Variants in PIK3C2A observed in about 807,000 individuals in gnomAD.
The protein encoded by PIK3C2A is phosphatidylinositol-4-phosphate 3-kinase catalytic subunit type 2 alpha.
PIK3C2A carries 97 observed loss-of-function variants against 204.5 expected under a neutral mutation model. The observed-to-expected ratio is 0.47, with a 90% CI of 0.40 to 0.56. PIK3C2A has a LOEUF of 0.56. Ranked by LOEUF, PIK3C2A falls within the 20% of genes least tolerant of loss-of-function variation. The probability of loss-of-function intolerance (pLI) is 0.00; values close to 1 mark genes in which losing one functional copy is unlikely to be tolerated. For synonymous variants in PIK3C2A, 653 were observed against 664.4 expected, an observed-to-expected ratio of 0.98 and a Z score of 0.26; for missense variants, 1,735 against 1,969.2, an observed-to-expected ratio of 0.88 and a Z score of 2.25.
chr11:17,168,295 T>C (rs1018517967), intron 2 of PIK3C2A, among the ~76,000 whole-genome samples: 1 of 152,166 alleles, frequency 6.6e-6, no homozygotes, highest in East Asian at 1.9e-4. Flanking sequence ...TCTTAACAAA[T>C]TATGGGCTGG....
intron 8 of PIK3C2A, among the ~76,000 whole-genome samples, chr11:17,142,798 T>C (rs947513567): frequency 6.6e-6 from 1 of 152,108 alleles, no homozygotes; most frequent in Non-Finnish European, 1.5e-5. Flanking sequence ...CTTGATGACC[T>C]TAATAAGTAC....
rs1173555736 is a variant in PIK3C2A at position 17,136,478 on chromosome 11, T to C, written c.1848+4A>G. The C allele has an allele frequency of 6.2e-7, 1 of 1,603,408 alleles. No individual in the cohort carries two copies. Among genetic ancestry groups the C allele is most frequent in the East Asian group, 2.2e-5 (1 of 44,786 alleles). On this transcript the variant is annotated splice_donor_region_variant and intron_variant, in intron 9 of 32. Transcript: ENST00000691414. ...ATAAAATCCTAGTTACCAAAAATAC[T>C]CACATCAGCAGTTTTACTCCTTGGA...
intron 19 of PIK3C2A, among the ~76,000 whole-genome samples, chr11:17,115,051 T>C (rs1849134222): frequency 1.3e-5 from 2 of 152,162 alleles, no homozygotes; most frequent in South Asian, 4.1e-4. Flanking sequence ...GTATGTAATA[T>C]TTCCCCAAAT....
At chr11:17,128,488 C>A (rs2137369189) in intron 13 of PIK3C2A, among the ~76,000 whole-genome samples, 1 of 152,186 alleles carries the variant, frequency 6.6e-6, no homozygotes, top group African/African-American at 2.4e-5. Flanking sequence ...ATCTGCCTAC[C>A]TTGGACTACC....
intron 1 of PIK3C2A, among the ~76,000 whole-genome samples, chr11:17,201,071 T>TG (rs1236316561): frequency 2.0e-5 from 3 of 151,834 alleles, no homozygotes; most frequent in African/African-American, 7.3e-5. Context: ...CCAGATGTGG[T>TG]GGCAGACGCC....
intron 2 of PIK3C2A, among the ~76,000 whole-genome samples, chr11:17,163,576 C>T (rs1253237953): frequency 2.6e-5 from 4 of 151,808 alleles, no homozygotes; most frequent in Admixed American, 2.6e-4. Flanking sequence ...CATCACCACA[C>T]ACAGCTATTT....
chr11:17,116,041 A>ACTTCAT (rs1849178058), intron 19 of PIK3C2A, among the ~76,000 whole-genome samples: 1 of 152,164 alleles, frequency 6.6e-6, no homozygotes, highest in South Asian at 2.1e-4. Flanking sequence ...AAATAGATAA[A>ACTTCAT]CTGGACTTCA....
In PIK3C2A at chr11:17,094,459, C is replaced by A. The variant is rs559034969; in HGVS notation, c.4327-74G>T. On this transcript the variant is annotated intron_variant, in intron 27 of 32. Coordinates refer to ENST00000691414, the MANE Select transcript of PIK3C2A (RefSeq NM_002645.4). ...TCTTTCCAGGCCGGGTGCAGTGGCTCATGCCTGTAATCCCAGCACTTTGGG... is the reference window on the plus strand; with the variant it reads ...TCTTTCCAGGCCGGGTGCAGTGGCTAATGCCTGTAATCCCAGCACTTTGGG... 1.1e-5 allele frequency: 14 copies of A among 1,243,490 alleles called. No homozygotes were observed. In the African/African-American group the frequency reaches 1.8e-4, roughly 16 times the overall value. The allele number at this position is 1,243,490 out of a possible 1,614,324, so 77.0% of individuals were successfully genotyped here. A position where few individuals can be genotyped will look rare whatever the true frequency, so the allele number is the denominator to read the frequency against.
At chr11:17,138,399 T>A in intron 8 of PIK3C2A, 1 of 371,896 alleles carries the variant, frequency 2.7e-6, no homozygotes, top group South Asian at 3.5e-5. Context: ...ACCCTCATGC[T>A]ATGTTCTCCT....
intron 11 of PIK3C2A, among the ~76,000 whole-genome samples, chr11:17,132,281 G>C (rs192034717): frequency 6.6e-6 from 1 of 150,684 alleles, no homozygotes; most frequent in East Asian, 1.9e-4. Context: ...TTTAAAGCAT[G>C]GTCATAATAA....
chr11:17,110,614 G>A (rs1449490575), intron 21 of PIK3C2A, 53 bp from the exon 22 acceptor site: 3 of 1,516,424 alleles, frequency 2.0e-6, no homozygotes, highest in Non-Finnish European at 2.7e-6. Context: ...AGACTTAACA[G>A]ATTACATACT....
rs533586921 is a variant in PIK3C2A at position 17,136,448 on chromosome 11, A to G, written c.1848+34T>C. On this transcript the variant is annotated intron_variant, in intron 9 of 32. Transcript: ENST00000691414. ...ATCTCCTGTTTAAGTACATATTTGC[A>G]TGTAATAAAATCCTAGTTACCAAAA... The G allele has an allele frequency of 1.6e-5, 24 of 1,509,856 alleles. No homozygotes were observed. The African/African-American group carries it at 2.7e-4, about 17-fold the overall frequency. The allele number at this position is 1,509,856 out of a possible 1,614,324, so 93.5% of individuals were successfully genotyped here.
At chr11:17,125,527 T>C (rs1030189612) in intron 13 of PIK3C2A, among the ~76,000 whole-genome samples, 2 of 152,148 alleles carry the variant, frequency 1.3e-5, no homozygotes, top group African/African-American at 2.4e-5. Context: ...TCACTGTTTT[T>C]TTTTGAGATG....
chr11:17,193,407 A>T, intron 1 of PIK3C2A: 1 of 272,028 alleles, frequency 3.7e-6, no homozygotes, highest in African/African-American at 2.3e-5. Context: ...ATCTAAAGGT[A>T]TTAACAGAAA....
chr11:17,132,073 G>A (rs1265853177), intron 11 of PIK3C2A, 35 bp from the exon 12 acceptor site: 1 of 1,280,270 alleles, frequency 7.8e-7, no homozygotes, highest in Non-Finnish European at 1.1e-6. Context: ...TTTCTATCAT[G>A]ATAATACAAA....
chr11:17,119,759 A>G, intron 16 of PIK3C2A, 27 bp downstream of exon 16: 1 of 1,419,120 alleles, frequency 7.0e-7, no homozygotes, highest in Non-Finnish European at 9.5e-7. Flanking sequence ...ACAATAAAAC[A>G]AGAGCAAATA....
At chr11:17,123,550 G>A (rs1020303158) in intron 13 of PIK3C2A, among the ~76,000 whole-genome samples, 2 of 150,364 alleles carry the variant, frequency 1.3e-5, no homozygotes, top group African/African-American at 2.4e-5. Flanking sequence ...ATGAGCCACC[G>A]CACCTGGCCA....
At chr11:17,199,517 TA>T (rs1484301022) in intron 1 of PIK3C2A, among the ~76,000 whole-genome samples, 3 of 152,220 alleles carry the variant, frequency 2.0e-5, no homozygotes, top group Non-Finnish European at 2.9e-5. Flanking sequence ...GATTCAGCCA[TA>T]AAAATGATAC....
At chr11:17,134,061 A>AT (rs565698200) in intron 11 of PIK3C2A, among the ~76,000 whole-genome samples, 10 of 151,946 alleles carry the variant, frequency 6.6e-5, no homozygotes, top group South Asian at 2.1e-4. Flanking sequence ...AAAGAGTTAC[A>AT]TTTTTTTTAC....
Sources: allele counts gnomAD v4.1 joint callset (sites outside exome capture counted in the v4.1 genomes callset), GRCh38; gene constraint gnomAD v4.1.1; transcripts MANE v1.5; gene names NCBI Gene and HGNC (gene_info 2026-07-23, HGNC 2026-07-21).